Variants in FHOD3 observed in about 807,000 individuals in gnomAD.
FHOD3 encodes the protein formin homology 2 domain containing 3, also known as FH1/FH2 domain-containing protein 3.
In FHOD3, 90 loss-of-function variants were observed where a neutral mutation model predicts 173.0. The ratio of observed to expected loss-of-function variants is 0.52; its 90% CI spans 0.44 to 0.62. The LOEUF (loss-of-function observed/expected upper bound fraction) is 0.62. Among genes scored for constraint, FHOD3 ranks in the 20% least tolerant of loss-of-function variants. FHOD3 has a pLI of 0.00. For synonymous variants in FHOD3, 828 were observed against 823.0 expected (o/e 1.01, Z -0.10); for missense variants, 1,945 against 2,034.7 (o/e 0.96, Z 0.85).
rs182057844 is a variant in FHOD3 at position 36,465,742 on chromosome 18, T to C, written c.338-36190T>C. Among the ~76,000 whole-genome samples, 524 of 152,212 alleles carry C rather than the reference T, an allele frequency of 3.4e-3. 2 individuals carry two copies. Among genetic ancestry groups the C allele is most frequent in the Non-Finnish European group, 5.7e-3 (391 of 68,004 alleles). The stretch of plus-strand genomic sequence containing the variant: ...TTGATACTAGATTTCTGAAATGCTG[T>C]GTTTAGGGTGATCTGAGGCTGTGTG... On this transcript the variant is annotated intron_variant, in intron 3 of 28. Transcript: ENST00000590592.
rs73948021 is a variant in FHOD3 at position 36,525,465 on chromosome 18, C to A, written c.511+12922C>A. ...ACCCCCAGCAGAAGACCCAGTCGGG[C>A]CATGCCTGGATTTCTGCACCATGGA... On this transcript the variant is annotated intron_variant, in intron 5 of 28. Transcript: ENST00000590592. 8.3e-3 allele frequency among the ~76,000 whole-genome samples: 1,260 copies of A among 152,234 alleles called. 12 individuals carry two copies. The highest frequency in any genetic ancestry group is 0.029 in the African/African-American group (1,187 of 41,534).
intron 7 of FHOD3, among the ~76,000 whole-genome samples, chr18:36,598,993 G>A (rs1447349339): frequency 3.3e-5 from 5 of 152,208 alleles, no homozygotes; most frequent in South Asian, 2.1e-4. Flanking sequence ...CTCTTTGCTT[G>A]CACCTTGAAG....
At chr18:36,531,012 A>G (rs2056758305) in intron 5 of FHOD3, among the ~76,000 whole-genome samples, 1 of 152,096 alleles carries the variant, frequency 6.6e-6, no homozygotes, top group Non-Finnish European at 1.5e-5. Context: ...CCATGGTTGA[A>G]TTAGTTCAGT....
chr18:36,488,258 TA>T (rs2054289261), intron 3 of FHOD3, among the ~76,000 whole-genome samples: 1 of 152,228 alleles, frequency 6.6e-6, no homozygotes, highest in Non-Finnish European at 1.5e-5. Flanking sequence ...TGACCCCAGC[TA>T]ATGATCCTTA....
chr18:36,390,055 C>G (rs573316341), intron 3 of FHOD3, among the ~76,000 whole-genome samples: 105 of 152,124 alleles, frequency 6.9e-4, no homozygotes, highest in Non-Finnish European at 1.4e-3. Flanking sequence ...ATCCAGGAGG[C>G]AAAAATCAGT....
intron 23 of FHOD3, among the ~76,000 whole-genome samples, chr18:36,745,879 G>A (rs997562439): frequency 1.3e-5 from 2 of 149,940 alleles, no homozygotes; most frequent in East Asian, 4.0e-4. Context: ...TCAACCCCGC[G>A]CACCTCCTGC....
chr18:36,470,480 G>A (rs1278225244), intron 3 of FHOD3, among the ~76,000 whole-genome samples: 1 of 152,220 alleles, frequency 6.6e-6, no homozygotes, highest in East Asian at 1.9e-4. Flanking sequence ...GGAACTGGGG[G>A]AGGGAGTGGA....
intron 3 of FHOD3, among the ~76,000 whole-genome samples, chr18:36,375,103 C>T (rs1443262769): frequency 1.3e-5 from 2 of 152,178 alleles, no homozygotes; most frequent in African/African-American, 2.4e-5. Context: ...TGTGTGCAAT[C>T]ATGTTGATGA....
At chr18:36,653,798 T>C (rs1316154190) in intron 13 of FHOD3, among the ~76,000 whole-genome samples, 1 of 152,336 alleles carries the variant, frequency 6.6e-6, no homozygotes, top group East Asian at 1.9e-4. Context: ...CATTTCATCT[T>C]AGATTAATTA....
chr18:36,588,549 T>A (rs1464070787), intron 6 of FHOD3, among the ~76,000 whole-genome samples: 3 of 152,212 alleles, frequency 2.0e-5, no homozygotes, highest in Non-Finnish European at 4.4e-5. Context: ...AATTTCAATC[T>A]TGAGGTTTGG....
At position 36,553,783 on chromosome 18, in the gene FHOD3, T is replaced by G. The variant is rs140166800; in HGVS notation, c.512-22668T>G. On this transcript the variant is annotated intron_variant, in intron 5 of 28. Transcript: ENST00000590592. ...GAATCTACAAAGAACTTAAACAAAT[T>G]TACAAGAAAAAAATCAAACAACCCT... Among the ~76,000 whole-genome samples the G allele has an allele frequency of 7.2e-3, 1,100 of 152,032 alleles. 14 individuals are homozygous for G. The highest frequency in any genetic ancestry group is 0.025 in the African/African-American group (1,042 of 41,454).
intron 3 of FHOD3, among the ~76,000 whole-genome samples, chr18:36,437,796 TG>T (rs1268998171): frequency 5.9e-5 from 9 of 151,870 alleles, no homozygotes; most frequent in Admixed American, 5.2e-4. Context: ...CCTGAGTAGC[TG>T]GGATTACAGA....
chr18:36,407,003 C>T (rs1321113571), intron 3 of FHOD3, among the ~76,000 whole-genome samples: 1 of 152,206 alleles, frequency 6.6e-6, no homozygotes, highest in Non-Finnish European at 1.5e-5. Context: ...CAGAGAAGGG[C>T]TTCAGGGTCC....
chr18:36,538,994 C>A (rs1568400285), intron 5 of FHOD3, among the ~76,000 whole-genome samples: 1 of 152,070 alleles, frequency 6.6e-6, no homozygotes, highest in South Asian at 2.1e-4. Flanking sequence ...GTGAAGAGTA[C>A]CTGGGATCTC....
intron 1 of FHOD3, among the ~76,000 whole-genome samples, chr18:36,349,219 T>C (rs28375227): frequency 0.2 from 30,630 of 152,024 alleles, 3,331 homozygotes; most frequent in Middle Eastern, 0.35. Flanking sequence ...CACCCTCCAG[T>C]GGGTAACCCC....
intron 1 of FHOD3, among the ~76,000 whole-genome samples, chr18:36,321,530 C>T (rs936184379): frequency 3.9e-5 from 6 of 152,134 alleles, no homozygotes; most frequent in Admixed American, 2.6e-4. Context: ...TGCTGATCTT[C>T]GGTAATATGT....
At chr18:36,771,679 G>A (rs1465971984) in intron 28 of FHOD3, among the ~76,000 whole-genome samples, 6 of 152,330 alleles carry the variant, frequency 3.9e-5, no homozygotes, top group South Asian at 2.1e-4. Context: ...AGGAACCTGC[G>A]CACCAGTTAA....
chr18:36,611,921 G>C, intron 8 of FHOD3, 31 bp from the exon 9 acceptor site: 6 of 1,600,962 alleles, frequency 3.7e-6, no homozygotes, highest in Non-Finnish European at 5.1e-6. Context: ...CTTCTGTGGT[G>C]TCTCTGTAGC....
intron 3 of FHOD3, among the ~76,000 whole-genome samples, chr18:36,458,328 G>T (rs550907438): frequency 3.9e-5 from 6 of 152,304 alleles, no homozygotes; most frequent in African/African-American, 1.2e-4. Context: ...CTGCATTTTT[G>T]ATGTCTCCCT....
Sources: gnomAD v4.1 joint callset for allele counts (sites outside exome capture counted in the v4.1 genomes callset) on GRCh38, gnomAD v4.1.1 for gene constraint, MANE v1.5 for transcripts, NCBI Gene and HGNC (gene_info 2026-07-23, HGNC 2026-07-21) for gene names.